WWOX: variants seen among roughly 807,000 people sequenced by gnomAD.
The protein encoded by WWOX is WW domain-containing oxidoreductase.
Under a neutral mutation model 46.2 loss-of-function variants are expected in WWOX, and 69 were observed. That is an observed-to-expected ratio of 1.49 (90% CI 1.23 to 1.82). The LOEUF (loss-of-function observed/expected upper bound fraction) is 1.82, where lower values mean the gene tolerates loss of function less well. Ranked by LOEUF, WWOX falls within the 40% of genes most tolerant of loss-of-function variation. WWOX has a pLI of 0.00. For synonymous variants in WWOX, 359 were observed against 202.6 expected (o/e 1.77, Z -6.56); for missense variants, 919 against 542.6 (o/e 1.69, Z -6.89).
At chr16:79,093,240 A>G (rs948642028) in intron 8 of WWOX, among the ~76,000 whole-genome samples, 1 of 152,214 alleles carries the variant, frequency 6.6e-6, no homozygotes, top group Non-Finnish European at 1.5e-5. Context: ...GGAGGTGGGG[A>G]GAGAGGCAGA....
rs183515877 is a variant in WWOX at position 78,540,731 on chromosome 16, G to A, written c.1056+107979G>A. Among the ~76,000 whole-genome samples the A allele has an allele frequency of 4.4e-3, 676 of 152,006 alleles. 8 individuals are homozygous for A. Among genetic ancestry groups the A allele is most frequent in the Middle Eastern group, 0.044 (13 of 294 alleles). Reference sequence around the variant, plus strand: ...AAATGGGGTCTCATTCTGTTGCCCCGGCTGCAGTGCAGTGACATGATCATA... The same window carrying A: ...AAATGGGGTCTCATTCTGTTGCCCCAGCTGCAGTGCAGTGACATGATCATA... On this transcript the variant is annotated intron_variant, in intron 8 of 8. Transcript: ENST00000566780.
intron 8 of WWOX, among the ~76,000 whole-genome samples, chr16:79,155,347 G>C (rs1404666844): frequency 6.6e-6 from 1 of 152,144 alleles, no homozygotes; most frequent in African/African-American, 2.4e-5. Context: ...TTGCACTCCA[G>C]CCTGGCGACA....
At chr16:78,735,996 CT>C (rs1345293866) in intron 8 of WWOX, among the ~76,000 whole-genome samples, 1 of 152,194 alleles carries the variant, frequency 6.6e-6, no homozygotes, top group Non-Finnish European at 1.5e-5. Context: ...CGATTCTGGC[CT>C]CTGTTGACTG....
intron 5 of WWOX, among the ~76,000 whole-genome samples, chr16:78,332,371 A>T (rs2080778854): frequency 6.6e-6 from 1 of 152,196 alleles, no homozygotes; most frequent in Non-Finnish European, 1.5e-5. Flanking sequence ...CTAGCCAAGA[A>T]TGGGTATTTC....
chr16:78,817,169 A>ATTGTTTTTTT (rs1460643310), intron 8 of WWOX, among the ~76,000 whole-genome samples: 2 of 26,598 alleles, frequency 7.5e-5, no homozygotes, highest in African/African-American at 1.5e-4. Context: ...CATTAGTGCT[A>ATTGTTTTTTT]TTCTTTTTTT....
chr16:79,007,717 A>C (rs1023395558), intron 8 of WWOX, among the ~76,000 whole-genome samples: 2 of 152,252 alleles, frequency 1.3e-5, no homozygotes, highest in East Asian at 3.8e-4. Context: ...ACCCGGTATC[A>C]TATAGCTGCT....
At chr16:78,907,147 G>T (rs2044986453) in intron 8 of WWOX, among the ~76,000 whole-genome samples, 1 of 152,058 alleles carries the variant, frequency 6.6e-6, no homozygotes, top group Non-Finnish European at 1.5e-5. Flanking sequence ...ATAGTTTTGT[G>T]GACAAGAGAA....
chr16:78,543,277 C>T (rs2043942537), intron 8 of WWOX, among the ~76,000 whole-genome samples: 1 of 152,216 alleles, frequency 6.6e-6, no homozygotes, highest in African/African-American at 2.4e-5. Flanking sequence ...TTCCTCTTGG[C>T]TGCCTACTGG....
intron 6 of WWOX, among the ~76,000 whole-genome samples, chr16:78,399,419 A>G (rs1427014353): frequency 6.6e-6 from 1 of 152,178 alleles, no homozygotes; most frequent in African/African-American, 2.4e-5. Flanking sequence ...TCTTACAAGG[A>G]ATCTATGAAC....
intron 8 of WWOX, among the ~76,000 whole-genome samples, chr16:78,622,063 T>G (rs2046202894): frequency 6.6e-6 from 1 of 152,180 alleles, no homozygotes; most frequent in African/African-American, 2.4e-5. Flanking sequence ...AGTTTAACTG[T>G]GCATTCTAAG....
chr16:78,191,965 C>T (rs970144717), intron 5 of WWOX, among the ~76,000 whole-genome samples: 106 of 152,114 alleles, frequency 7.0e-4, no homozygotes, highest in African/African-American at 2.3e-3. Context: ...TGAGGCACTA[C>T]CTGGAATTAT....
At chr16:78,328,605 C>G (rs542175664) in intron 5 of WWOX, among the ~76,000 whole-genome samples, 1 of 152,040 alleles carries the variant, frequency 6.6e-6, no homozygotes, top group African/African-American at 2.4e-5. Context: ...TAAATAAGAT[C>G]GAATGTGGAA....
intron 8 of WWOX, among the ~76,000 whole-genome samples, chr16:78,481,636 A>AG (rs1196992913): frequency 2.4e-4 from 23 of 97,834 alleles, no homozygotes; most frequent in African/African-American, 6.9e-4. Flanking sequence ...TGGAATTGTG[A>AG]AAAAAAAAAA....
chr16:78,492,811 T>C (rs1299425932), intron 8 of WWOX, among the ~76,000 whole-genome samples: 1 of 152,162 alleles, frequency 6.6e-6, no homozygotes, highest in African/African-American at 2.4e-5. Context: ...TTTTGACAAA[T>C]TTCTGGGGGC....
intron 8 of WWOX, among the ~76,000 whole-genome samples, chr16:78,468,606 T>A (rs376647964): frequency 6.6e-6 from 1 of 152,268 alleles, no homozygotes; most frequent in Admixed American, 6.5e-5. Context: ...AAAAAGCACA[T>A]GACTTGGAAT....
At chr16:78,836,783 A>G (rs2051996842) in intron 8 of WWOX, among the ~76,000 whole-genome samples, 3 of 152,152 alleles carry the variant, frequency 2.0e-5, no homozygotes, top group Admixed American at 2.0e-4. Flanking sequence ...GATCTCTTTA[A>G]TTATTCTATA....
chr16:78,195,409 T>G (rs1280964369), intron 5 of WWOX, among the ~76,000 whole-genome samples: 1 of 152,184 alleles, frequency 6.6e-6, no homozygotes, highest in Admixed American at 6.5e-5. Flanking sequence ...GGGTGATGAT[T>G]GGATGGCTTC....
At chr16:78,974,168 A>G (rs565433449) in intron 8 of WWOX, among the ~76,000 whole-genome samples, 1 of 152,230 alleles carries the variant, frequency 6.6e-6, no homozygotes, top group South Asian at 2.1e-4. Flanking sequence ...GGAAAATTCA[A>G]TCTCGTTAAT....
chr16:78,968,093 G>T (rs537524742), intron 8 of WWOX, among the ~76,000 whole-genome samples: 1 of 135,004 alleles, frequency 7.4e-6, no homozygotes, highest in African/African-American at 2.7e-5. Context: ...TGCATGGTCC[G>T]CATGGCACAG....
Sources: allele counts gnomAD v4.1 joint callset (sites outside exome capture counted in the v4.1 genomes callset), GRCh38; gene constraint gnomAD v4.1.1; transcripts MANE v1.5; gene names NCBI Gene and HGNC (gene_info 2026-07-23, HGNC 2026-07-21).